The following GRB14 variants were observed in gnomAD, a reference collection of about 807,000 sequenced individuals.
The protein encoded by GRB14 is growth factor receptor-bound protein 14.
GRB14 carries 38 observed loss-of-function variants against 69.1 expected under a neutral mutation model. That is an observed-to-expected ratio of 0.55 (90% CI 0.42 to 0.72). The LOEUF is 0.72. GRB14 is among the 30% of genes least tolerant of loss of function. The pLI is 0.00. For synonymous variants in GRB14, 247 were observed against 241.3 expected (o/e 1.02, Z -0.22); for missense variants, 666 against 666.1 (o/e 1.00, Z 0.00).
Position 164,621,376 on chromosome 2 carries a change from C to A in GRB14, c.-67G>T. Reference sequence around the variant, plus strand: ...GCGTGGGGAGAAGGGGTTTGCGCGGCGGGAGGCGAGGTGCCGGCTAGGCAG... The same window carrying A: ...GCGTGGGGAGAAGGGGTTTGCGCGGAGGGAGGCGAGGTGCCGGCTAGGCAG... On this transcript the variant is annotated 5_prime_UTR_variant, in exon 1 of 14. Coordinates refer to ENST00000263915, the MANE Select transcript of GRB14 (RefSeq NM_004490.3). The surrounding 1 kb of genome is among the most constrained non-coding windows in gnomAD (Gnocchi z 6.0). 1 of 1,218,014 alleles carries A rather than the reference C, an allele frequency of 8.2e-7. No individual in the cohort carries two copies. The highest frequency in any genetic ancestry group is 3.1e-5 in the East Asian group (1 of 32,354). 75.5% of individuals were successfully genotyped at this position (1,218,014 alleles called of 1,614,324 possible).
rs1296693233 is a variant in GRB14, at chr2:164,497,255, T to A, written c.1250A>T (p.His417Leu). The A allele has an allele frequency of 2.5e-6, 4 of 1,613,602 alleles. No homozygotes were observed. The highest frequency in any genetic ancestry group is 3.4e-6 in the Non-Finnish European group (4 of 1,179,826). The change falls in exon 11 of 14, where the codon CAC becomes CTC. Residue 417 changes from histidine (H) to leucine (L), a missense_variant. By Grantham distance (99) the His-to-Leu change is moderately conservative. Coordinates refer to ENST00000263915, the MANE Select transcript of GRB14 (RefSeq NM_004490.3). The part of the protein sequence containing the change: ...RKKGCLRLGT[H>L]GSPTASSQSS... ...CTGTGAAGAGGCAGTGGGGCTACCG[T>A]GAGTGCCCAGGCGTAAACATCCTTT...
Position 164,621,164 on chromosome 2 carries a change from G to T in GRB14, c.146C>A (p.Ala49Glu). Reference sequence around the variant, plus strand: ...GGTCCCGTCCGGAAGGGGCAGGAGCGCTCGCGCGTGCAGCCAGGGGGCCGG... The same window carrying T: ...GGTCCCGTCCGGAAGGGGCAGGAGCTCTCGCGCGTGCAGCCAGGGGGCCGG... ...LAPAPWLHAR[A>E]LLPLPDGTRG... is the part of the protein sequence containing the mutation. Residue 49 changes from alanine (A) to glutamate (E), a missense_variant, in exon 1 of 14, where the codon GCG (alanine) becomes GAG (glutamate). Physicochemically the swap from Ala to Glu is moderately radical, Grantham distance 107. Transcript: ENST00000263915. This position sits in a 1 kb window ranked among gnomAD's most constrained non-coding sequence, Gnocchi z 6.0. The T allele has an allele frequency of 2.4e-6, 3 of 1,244,610 alleles. No homozygotes were observed. The highest frequency in any genetic ancestry group is 3.0e-6 in the Non-Finnish European group (3 of 988,136). The allele number at this position is 1,244,610 out of a possible 1,614,324, so 77.1% of individuals were successfully genotyped here.
At chr2:164,554,435 T>C (rs1003260471) in intron 2 of GRB14, among the ~76,000 whole-genome samples, 2 of 152,066 alleles carry the variant, frequency 1.3e-5, no homozygotes, top group South Asian at 4.1e-4. Context: ...TAAAGAAGAA[T>C]AGGAAGAAAT....
chr2:164,555,219 T>C (rs938730447), intron 2 of GRB14, among the ~76,000 whole-genome samples: 3 of 152,220 alleles, frequency 2.0e-5, no homozygotes, highest in African/African-American at 4.8e-5. Context: ...TCCTTTTCAA[T>C]GTGAATTCAT....
At chr2:164,540,463 G>C (rs898560931) in intron 3 of GRB14, among the ~76,000 whole-genome samples, 16 of 152,070 alleles carry the variant, frequency 1.1e-4, no homozygotes, top group African/African-American at 2.9e-4. Flanking sequence ...ACAAAAATTA[G>C]CTGGGTGTGG....
At chr2:164,617,808 T>G (rs902629849) in intron 2 of GRB14, among the ~76,000 whole-genome samples, 1 of 152,178 alleles carries the variant, frequency 6.6e-6, no homozygotes, top group African/African-American at 2.4e-5. Context: ...GTTGCTTAGC[T>G]AGGGTCCTTA....
intron 2 of GRB14, among the ~76,000 whole-genome samples, chr2:164,551,257 T>C (rs896848327): frequency 6.6e-6 from 1 of 152,198 alleles, no homozygotes; most frequent in Admixed American, 6.5e-5. Context: ...CAGAAGCAGT[T>C]AGAGCCAATT....
At chr2:164,507,668 T>C (rs1687228548) in intron 8 of GRB14, among the ~76,000 whole-genome samples, 2 of 152,214 alleles carry the variant, frequency 1.3e-5, no homozygotes, top group Non-Finnish European at 2.9e-5. Context: ...GACGGGCACT[T>C]TCCCTGGATT....
chr2:164,589,028 T>A (rs753237932), intron 2 of GRB14, among the ~76,000 whole-genome samples: 14 of 152,322 alleles, frequency 9.2e-5, no homozygotes, highest in South Asian at 2.1e-4. Flanking sequence ...AAATCCAGCA[T>A]ATTAGTTGCA....
At chr2:164,539,167 G>T (rs958769418) in intron 3 of GRB14, among the ~76,000 whole-genome samples, 1 of 152,112 alleles carries the variant, frequency 6.6e-6, no homozygotes, top group Non-Finnish European at 1.5e-5. Context: ...TCACACATAT[G>T]CATTTATATT....
At chr2:164,582,304 C>T (rs1004943802) in intron 2 of GRB14, among the ~76,000 whole-genome samples, 6 of 152,140 alleles carry the variant, frequency 3.9e-5, no homozygotes, top group Non-Finnish European at 8.8e-5. Context: ...TTTGACATTT[C>T]CCTCTATTCA....
At chr2:164,529,276 G>A (rs974441871) in intron 3 of GRB14, among the ~76,000 whole-genome samples, 4 of 152,250 alleles carry the variant, frequency 2.6e-5, no homozygotes, top group African/African-American at 9.6e-5. Flanking sequence ...ATAAAGGGTT[G>A]TTGTTTAATT....
At chr2:164,542,796 T>G (rs1688273288) in intron 3 of GRB14, among the ~76,000 whole-genome samples, 1 of 152,188 alleles carries the variant, frequency 6.6e-6, no homozygotes, top group African/African-American at 2.4e-5. Context: ...GCTGGTGGAA[T>G]GTAAATTAGT....
chr2:164,607,274 A>T (rs1690063221), intron 2 of GRB14, among the ~76,000 whole-genome samples: 1 of 152,106 alleles, frequency 6.6e-6, no homozygotes, highest in Non-Finnish European at 1.5e-5. Flanking sequence ...TTATCCATTC[A>T]TTTCTCCATT....
chr2:164,540,473 G>A (rs1368008801), intron 3 of GRB14, among the ~76,000 whole-genome samples: 1 of 152,094 alleles, frequency 6.6e-6, no homozygotes, highest in Admixed American at 6.5e-5. Context: ...GCTGGGTGTG[G>A]TGTCAGGCTC....
At chr2:164,616,307 T>A (rs1342620004) in intron 2 of GRB14, among the ~76,000 whole-genome samples, 2 of 151,060 alleles carry the variant, frequency 1.3e-5, no homozygotes, top group African/African-American at 4.9e-5. Context: ...GCACCTCTAG[T>A]CCCAGCTACT....
At chr2:164,595,529 T>C (rs1433917616) in intron 2 of GRB14, among the ~76,000 whole-genome samples, 1 of 151,768 alleles carries the variant, frequency 6.6e-6, no homozygotes, top group Non-Finnish European at 1.5e-5. Context: ...AGATGTGGAG[T>C]AGGATGAAAC....
chr2:164,564,649 C>T (rs932277134), intron 2 of GRB14, among the ~76,000 whole-genome samples: 4 of 152,084 alleles, frequency 2.6e-5, no homozygotes, highest in African/African-American at 9.7e-5. Flanking sequence ...ACTTCAGGAT[C>T]TTGTGTGCTT....
chr2:164,556,648 T>G (rs1688684491), intron 2 of GRB14, among the ~76,000 whole-genome samples: 1 of 152,118 alleles, frequency 6.6e-6, no homozygotes, highest in Admixed American at 6.5e-5. Flanking sequence ...ACCCTCTACT[T>G]TTTCTGCTCC....
Sources: gnomAD v4.1 joint callset for allele counts (sites outside exome capture counted in the v4.1 genomes callset) on GRCh38, gnomAD v4.1.1 for gene constraint, Gnocchi (gnomAD v3.1) non-coding constraint, MANE v1.5 for transcripts, NCBI Gene and HGNC (gene_info 2026-07-23, HGNC 2026-07-21) for gene names.